DLGAP4: variants seen among roughly 807,000 people sequenced by gnomAD.
The protein encoded by DLGAP4 is disks large-associated protein 4.
In DLGAP4, 18 loss-of-function variants were observed where a neutral mutation model predicts 86.9. The observed-to-expected ratio is 0.21, with a 90% CI of 0.14 to 0.31. The LOEUF is 0.31. Ranked by LOEUF, DLGAP4 falls within the 10% of genes least tolerant of loss-of-function variation. DLGAP4 has a pLI of 1.00. For synonymous variants in DLGAP4, 548 were observed against 574.3 expected, an observed-to-expected ratio of 0.95 and a Z score of 0.65; for missense variants, 1,085 against 1,362.6, an observed-to-expected ratio of 0.80 and a Z score of 3.21.
In DLGAP4 at chr20:36,432,299, A is replaced by G; in HGVS notation, c.582A>G (p.Lys194=). 6.2e-7 allele frequency: 1 copy of G among 1,613,604 alleles called. No homozygotes were observed. Among genetic ancestry groups the G allele is most frequent in the Non-Finnish European group, 8.5e-7 (1 of 1,179,836 alleles). Residue 194 remains lysine, a synonymous_variant, in exon 3 of 13, where the codon AAA becomes AAG. Transcript: ENST00000339266. The surrounding 1 kb of genome is among the most constrained non-coding windows in gnomAD (Gnocchi z 6.5). ...SKERAKAGEP[K]RRSRSNISGW... ...AGCGGGCCAAGGCTGGGGAGCCCAA[A>G]CGGCGCAGCCGCTCCAACATCTCAG...
chr20:36,525,082 G>C (rs1337029112), intron 11 of DLGAP4, among the ~76,000 whole-genome samples: 1 of 150,670 alleles, frequency 6.6e-6, no homozygotes, highest in Non-Finnish European at 1.5e-5. Context: ...GCCAGGCGTA[G>C]TGGCGGGTGC....
chr20:36,440,004 TC>T (rs2033401205), intron 5 of DLGAP4, 136 bp downstream of exon 5: 1 of 723,884 alleles, frequency 1.4e-6, no homozygotes, highest in South Asian at 1.7e-5. Flanking sequence ...TGGTCCTTGT[TC>T]CTGAAGCCTC....
rs1056347210 is a variant in DLGAP4, at chr20:36,387,334, A to G, written c.-73+20059A>G. Among the ~76,000 whole-genome samples the G allele has an allele frequency of 1.2e-4, 19 of 152,218 alleles. 1 individual carries two copies. The highest frequency in any genetic ancestry group is 1.1e-3 in the Admixed American group (17 of 15,266). On this transcript the variant is annotated intron_variant, in intron 2 of 12. Coordinates refer to ENST00000339266, the MANE Select transcript of DLGAP4 (RefSeq NM_001365621.2). ...TCTCTTCTGCAAAATGCCTGTTCATATACTTTGCCCAGTTTTTTATGCGTC... is the reference window on the plus strand; with the variant it reads ...TCTCTTCTGCAAAATGCCTGTTCATGTACTTTGCCCAGTTTTTTATGCGTC...
At chr20:36,407,019 G>A (rs1435345896) in intron 2 of DLGAP4, among the ~76,000 whole-genome samples, 4 of 152,044 alleles carry the variant, frequency 2.6e-5, no homozygotes, top group African/African-American at 7.2e-5. Flanking sequence ...ACCCAGGTTC[G>A]TATCCTAGCT....
intron 2 of DLGAP4, among the ~76,000 whole-genome samples, chr20:36,409,712 CAAAA>C (rs569430649): frequency 7.8e-6 from 1 of 128,766 alleles, no homozygotes; most frequent in South Asian, 2.5e-4. Context: ...AAGACTGTCT[CAAAA>C]AAAAAAAAAG....
intron 2 of DLGAP4, among the ~76,000 whole-genome samples, chr20:36,417,011 C>G (rs2032673929): frequency 6.6e-6 from 1 of 152,148 alleles, no homozygotes; most frequent in African/African-American, 2.4e-5. Context: ...CAGGTGCGGT[C>G]CCTCCCCTCT....
At position 36,527,261 on chromosome 20, in the gene DLGAP4, G is replaced by GAAAACT; in HGVS notation, c.*231_*236dup. On this transcript the variant is annotated 3_prime_UTR_variant, in exon 13 of 13. Coordinates refer to ENST00000339266, the MANE Select transcript of DLGAP4 (RefSeq NM_001365621.2). ...AAAATCAACAAAAATCACGAAACTA[G>GAAAACT]AAAACTTTTTTTTTCCTCTTGCTGG... 2.2e-6 allele frequency: 1 copy of GAAAACT among 455,536 alleles called. No individual in the cohort carries two copies. The highest frequency in any genetic ancestry group is 3.9e-6 in the Non-Finnish European group (1 of 259,620). The allele number at this position is 455,536 out of a possible 1,614,324, so 28.2% of individuals were successfully genotyped here.
chr20:36,471,904 GA>G (rs947395077), intron 7 of DLGAP4, among the ~76,000 whole-genome samples: 2 of 151,356 alleles, frequency 1.3e-5, no homozygotes, highest in Non-Finnish European at 1.5e-5. Context: ...CAAGACGAGA[GA>G]AAAAAAAAGA....
Position 36,477,877 on chromosome 20 carries a change from A to C in DLGAP4, c.1649-18828A>C, listed in dbSNP as rs115232046. Among the ~76,000 whole-genome samples the C allele has an allele frequency of 4.4e-3, 668 of 152,332 alleles. 7 individuals carry two copies. The highest frequency in any genetic ancestry group is 0.014 in the African/African-American group (575 of 41,586). The stretch of plus-strand genomic sequence containing the variant: ...AATACAGGGACTTGCCCAAGGTCAT[A>C]CGGCACTTCACTGGTAAAATTGGGC... On this transcript the variant is annotated intron_variant, in intron 7 of 12. Transcript: ENST00000339266.
chr20:36,517,200 G>T (rs1415781812), intron 10 of DLGAP4, among the ~76,000 whole-genome samples: 1 of 151,812 alleles, frequency 6.6e-6, no homozygotes, highest in Non-Finnish European at 1.5e-5. Context: ...CCAACATGAT[G>T]AAATCCCGTC....
At position 36,329,516 on chromosome 20, in the gene DLGAP4, C is replaced by T. The variant is rs543110875; in HGVS notation, c.-304+23004C>T. ...GTGCCCCTGGGGGATGTCTTGATGA[C>T]GTGGATGGAAAAAACTGAGTCAGAA... On this transcript the variant is annotated intron_variant, in intron 1 of 12. Coordinates refer to ENST00000339266, the MANE Select transcript of DLGAP4 (RefSeq NM_001365621.2). Among the ~76,000 whole-genome samples the T allele has an allele frequency of 4.6e-5, 7 of 152,292 alleles. No individual in the cohort carries two copies. The East Asian group carries it at 7.7e-4, about 17-fold the overall frequency.
intron 7 of DLGAP4, among the ~76,000 whole-genome samples, chr20:36,463,241 G>A (rs780071528): frequency 2.6e-5 from 4 of 152,194 alleles, no homozygotes; most frequent in Admixed American, 6.5e-5. Flanking sequence ...GTAACCTTGA[G>A]CGAGACCCTT....
At chr20:36,456,444 A>T (rs2033881030) in intron 7 of DLGAP4, among the ~76,000 whole-genome samples, 1 of 152,194 alleles carries the variant, frequency 6.6e-6, no homozygotes, top group Non-Finnish European at 1.5e-5. Flanking sequence ...GGCCACTCAC[A>T]GGTTGGTGCA....
intron 7 of DLGAP4, among the ~76,000 whole-genome samples, chr20:36,473,684 A>G (rs573055328): frequency 2.6e-5 from 4 of 152,202 alleles, no homozygotes; most frequent in Non-Finnish European, 5.9e-5. Context: ...TCCTGGGCCC[A>G]AGCAGTCTGC....
At chr20:36,461,494 C>A in intron 7 of DLGAP4, 4 of 982,240 alleles carry the variant, frequency 4.1e-6, no homozygotes, top group Non-Finnish European at 4.8e-6. Flanking sequence ...TCGGGCCGGG[C>A]TGCGTGAGGG....
At chr20:36,418,646 G>A (rs148451543) in intron 2 of DLGAP4, among the ~76,000 whole-genome samples, 6 of 152,174 alleles carry the variant, frequency 3.9e-5, no homozygotes, top group East Asian at 3.9e-4. Context: ...TGTCCCTACC[G>A]AGCCCCCACC....
At chr20:36,461,122 T>G (rs2034019896) in intron 7 of DLGAP4, among the ~76,000 whole-genome samples, 1 of 152,064 alleles carries the variant, frequency 6.6e-6, no homozygotes, top group South Asian at 2.1e-4. Flanking sequence ...AACTCCCGCC[T>G]CGGTCCACCT....
intron 2 of DLGAP4, among the ~76,000 whole-genome samples, chr20:36,420,610 G>A (rs1178182891): frequency 1.3e-5 from 2 of 152,140 alleles, no homozygotes; most frequent in East Asian, 3.9e-4. Context: ...GGCTAAGGTG[G>A]GCGGATCACC....
At chr20:36,372,536 T>TC (rs1304358213) in intron 2 of DLGAP4, among the ~76,000 whole-genome samples, 1 of 150,982 alleles carries the variant, frequency 6.6e-6, no homozygotes, top group African/African-American at 2.4e-5. Flanking sequence ...TTTTTTTTTT[T>TC]CACAACTAGT....
Sources: allele counts gnomAD v4.1 joint callset (sites outside exome capture counted in the v4.1 genomes callset), GRCh38; gene constraint gnomAD v4.1.1; non-coding constraint Gnocchi (gnomAD v3.1); transcripts MANE v1.5; gene names NCBI Gene and HGNC (gene_info 2026-07-23, HGNC 2026-07-21).